ZFPM1: variants seen among roughly 807,000 people sequenced by gnomAD.
The protein encoded by ZFPM1 is zinc finger protein ZFPM1.
Under a neutral mutation model 46.3 loss-of-function variants are expected in ZFPM1, and 28 were observed. The observed-to-expected ratio is 0.60, with a 90% CI of 0.45 to 0.83. ZFPM1 has a LOEUF of 0.83. ZFPM1 is among the 40% of genes least tolerant of loss of function. The pLI is 0.00. For synonymous variants in ZFPM1, 957 were observed against 675.9 expected (o/e 1.42, Z -6.45); for missense variants, 1,878 against 1,432.4 (o/e 1.31, Z -5.02).
rs1388344586 is a variant in ZFPM1, at chr16:88,532,220, A to G, written c.931A>G (p.Met311Val). The G allele has an allele frequency of 4.4e-6, 7 of 1,604,174 alleles. No homozygotes were observed. Among genetic ancestry groups the G allele is most frequent in the Non-Finnish European group, 6.0e-6 (7 of 1,173,788 alleles). Reference sequence around the variant, plus strand: ...CAGCGCCAGCTCCCTGGAGATCCACATGCGCAGCCACAGCGGTGAGCCCCC... The same window carrying G: ...CAGCGCCAGCTCCCTGGAGATCCACGTGCGCAGCCACAGCGGTGAGCCCCC... ...CPSASSLEIH[M>V]RSHSGERPFV... Residue 311 changes from methionine to valine, a missense_variant, in exon 7 of 10, where the codon ATG becomes GTG. By Grantham distance (21) the Met-to-Val change is conservative. Transcript: ENST00000319555.
At chr16:88,511,467 C>T (rs1910958440) in intron 3 of ZFPM1, among the ~76,000 whole-genome samples, 2 of 151,738 alleles carry the variant, frequency 1.3e-5, no homozygotes, top group Admixed American at 6.5e-5. Context: ...AAAAAAACAA[C>T]TGCCTGTGTC....
intron 1 of ZFPM1, among the ~76,000 whole-genome samples, chr16:88,472,998 G>A (rs150926541): frequency 7.9e-5 from 12 of 152,386 alleles, no homozygotes; most frequent in African/African-American, 2.6e-4. Context: ...CCACCAGGAC[G>A]AGGGGCCAGC....
intron 3 of ZFPM1, among the ~76,000 whole-genome samples, chr16:88,504,232 G>T (rs2142407569): frequency 6.6e-6 from 1 of 152,236 alleles, no homozygotes; most frequent in East Asian, 1.9e-4. Context: ...GGGCGCCCAG[G>T]CCGATAGGAC....
rs865822689 is a variant in ZFPM1, at chr16:88,514,423, G to A, written c.305G>A (p.Arg102His). The change falls in exon 4 of 10, where the codon CGC becomes CAC. Residue 102 changes from arginine (R) to histidine (H), a missense_variant. By Grantham distance (29) the Arg-to-His change is conservative. Transcript: ENST00000319555. ...LEPVVQDGQR[R>H]IRARLSLATG... ...CCGGTGGTGCAGGATGGGCAGAGGCGCATACGGGCCCGACTCAGCCTCGCC... is the reference window on the plus strand; with the variant it reads ...CCGGTGGTGCAGGATGGGCAGAGGCACATACGGGCCCGACTCAGCCTCGCC... The A allele has an allele frequency of 1.0e-5, 16 of 1,560,912 alleles. No homozygotes were observed. Among genetic ancestry groups the A allele is most frequent in the Admixed American group, 5.7e-5 (3 of 52,468 alleles).
chr16:88,464,232 GGCCGAGGCATGTGAGCCGT>G (rs1366407398), intron 1 of ZFPM1, among the ~76,000 whole-genome samples: 1 of 152,166 alleles, frequency 6.6e-6, no homozygotes, highest in Non-Finnish European at 1.5e-5. Context: ...GGGCCCGAGG[GGCCGAGGCATGTGAGCCGT>G]GCCTAAGGTT....
chr16:88,459,077 C>A (rs1430613487), intron 1 of ZFPM1, among the ~76,000 whole-genome samples: 2 of 152,208 alleles, frequency 1.3e-5, no homozygotes, highest in East Asian at 1.9e-4. Flanking sequence ...GTGTGCAAGT[C>A]GAGACTTGGG....
At chr16:88,468,659 C>T (rs1908271429) in intron 1 of ZFPM1, among the ~76,000 whole-genome samples, 1 of 152,124 alleles carries the variant, frequency 6.6e-6, no homozygotes, top group South Asian at 2.1e-4. Context: ...ACCAGTCACC[C>T]AGAATCTGAT....
chr16:88,531,600 C>T (rs1912788594), intron 6 of ZFPM1, among the ~76,000 whole-genome samples: 1 of 152,228 alleles, frequency 6.6e-6, no homozygotes, highest in South Asian at 2.1e-4. Flanking sequence ...CCTGCACGCA[C>T]ATCTGTACAC....
chr16:88,514,361 C>G, intron 3 of ZFPM1, 26 bp from the exon 4 acceptor site: 1 of 1,559,342 alleles, frequency 6.4e-7, no homozygotes, highest in Non-Finnish European at 8.7e-7. Context: ...CCGGGCACGC[C>G]TCATGCCTGC....
At chr16:88,456,684 G>T (rs574591054) in intron 1 of ZFPM1, among the ~76,000 whole-genome samples, 1 of 152,334 alleles carries the variant, frequency 6.6e-6, no homozygotes, top group Admixed American at 6.5e-5. Flanking sequence ...GCTGAGAGGC[G>T]CCTGGGGCTG....
intron 1 of ZFPM1, among the ~76,000 whole-genome samples, chr16:88,473,415 C>G (rs549735568): frequency 6.6e-6 from 1 of 152,244 alleles, no homozygotes; most frequent in African/African-American, 2.4e-5. Context: ...TCACCATGGC[C>G]TTGAGGGCGG....
intron 4 of ZFPM1, among the ~76,000 whole-genome samples, chr16:88,517,925 G>A (rs192657382): frequency 4.3e-4 from 65 of 152,138 alleles, no homozygotes; most frequent in Non-Finnish European, 7.9e-4. Context: ...AAATGAGTGG[G>A]TGAGGCCAGG....
At chr16:88,495,589 G>A (rs536520279) in intron 3 of ZFPM1, among the ~76,000 whole-genome samples, 1 of 152,258 alleles carries the variant, frequency 6.6e-6, no homozygotes, top group Admixed American at 6.6e-5. Flanking sequence ...GGCACCGAGG[G>A]TGGGAAGGAT....
intron 3 of ZFPM1, among the ~76,000 whole-genome samples, chr16:88,493,448 T>C (rs1909732935): frequency 7.1e-6 from 1 of 141,278 alleles, no homozygotes; most frequent in Non-Finnish European, 1.5e-5. Flanking sequence ...TACGGAGAGC[T>C]GTCCCGGGCT....
chr16:88,487,644 C>T (rs1430731633), intron 2 of ZFPM1, among the ~76,000 whole-genome samples: 2 of 152,148 alleles, frequency 1.3e-5, no homozygotes, highest in African/African-American at 4.8e-5. Context: ...GGACCCCCAC[C>T]CCAGCATTTC....
In ZFPM1 at chr16:88,480,754, T is replaced by G. The variant is rs532344240; in HGVS notation, c.41-5185T>G. ...AGGGGCCTCCCCAGGGGCCTCAGAC[T>G]CCTCATCCACAGCCCCCATCTGCGC... On this transcript the variant is annotated intron_variant, in intron 1 of 9. Coordinates refer to ENST00000319555, the MANE Select transcript of ZFPM1 (RefSeq NM_153813.3). The surrounding 1 kb of genome is among the most constrained non-coding windows in gnomAD (Gnocchi z 4.9). Among the ~76,000 whole-genome samples the G allele has an allele frequency of 6.6e-6, 1 of 151,970 alleles. No individual in the cohort carries two copies. Among genetic ancestry groups the G allele is most frequent in the Non-Finnish European group, 1.5e-5 (1 of 67,948 alleles).
rs1350415480 is a variant in ZFPM1, at chr16:88,469,285, C to T, written c.40+15607C>T. 6.6e-6 allele frequency among the ~76,000 whole-genome samples: 1 copy of T among 152,236 alleles called. No individual in the cohort carries two copies. The highest frequency in any genetic ancestry group is 1.5e-5 in the Non-Finnish European group (1 of 68,048). On this transcript the variant is annotated intron_variant, in intron 1 of 9. Transcript: ENST00000319555. This position sits in a 1 kb window ranked among gnomAD's most constrained non-coding sequence, Gnocchi z 4.3. ...GACGTGGCACCATCTTAATGAATGA[C>T]AGTCCCAACCCCTTTGCCCACCCTC...
At chr16:88,504,004 G>A (rs1910519298) in intron 3 of ZFPM1, among the ~76,000 whole-genome samples, 1 of 152,066 alleles carries the variant, frequency 6.6e-6, no homozygotes, top group Non-Finnish European at 1.5e-5. Flanking sequence ...ACCTGCCTGG[G>A]TGTCCATGGC....
chr16:88,505,675 C>T (rs1290562811), intron 3 of ZFPM1, among the ~76,000 whole-genome samples: 1 of 152,182 alleles, frequency 6.6e-6, no homozygotes, highest in Non-Finnish European at 1.5e-5. Flanking sequence ...CCAGCACCCC[C>T]TGCCGTCAGC....
Sources: gnomAD v4.1 joint callset for allele counts (sites outside exome capture counted in the v4.1 genomes callset) on GRCh38, gnomAD v4.1.1 for gene constraint, Gnocchi (gnomAD v3.1) non-coding constraint, MANE v1.5 for transcripts, NCBI Gene and HGNC (gene_info 2026-07-23, HGNC 2026-07-21) for gene names.